Variants in LAMTOR5 observed in about 807,000 individuals in gnomAD.
LAMTOR5 encodes ragulator complex protein LAMTOR5.
Under a neutral mutation model 12.1 loss-of-function variants are expected in LAMTOR5, and 8 were observed. That is an observed-to-expected ratio of 0.66 (90% CI 0.39 to 1.19). The LOEUF (loss-of-function observed/expected upper bound fraction) is 1.19. Ranked by LOEUF, LAMTOR5 falls within the 50% of genes most tolerant of loss-of-function variation. LAMTOR5 has a pLI of 0.01. For synonymous variants in LAMTOR5, 37 were observed against 41.9 expected (o/e 0.88, Z 0.45); for missense variants, 110 against 112.8 (o/e 0.97, Z 0.11).
chr1:110,403,856 C>T, intron 3 of LAMTOR5, 63 bp downstream of exon 3: 3 of 1,597,862 alleles, frequency 1.9e-6, no homozygotes, highest in Non-Finnish European at 2.6e-6. Flanking sequence ...AGGGCCGGCC[C>T]CCGCCAATTT....
intron 2 of LAMTOR5, among the ~76,000 whole-genome samples, chr1:110,406,052 C>T (rs1212885563): frequency 6.6e-6 from 1 of 152,194 alleles, no homozygotes; most frequent in Admixed American, 6.5e-5. Flanking sequence ...CCTTTCTAGA[C>T]TCAATTTAAA....
intron 1 of LAMTOR5, chr1:110,407,254 C>G: frequency 1.7e-6 from 1 of 579,244 alleles, no homozygotes; most frequent in Non-Finnish European, 3.1e-6. Context: ...CTGGCACAAT[C>G]TTCCCAAAAG....
At chr1:110,403,773 T>TA in intron 3 of LAMTOR5, 146 bp downstream of exon 3, 8 of 1,280,442 alleles carry the variant, frequency 6.2e-6, no homozygotes, top group Non-Finnish European at 8.3e-6. Context: ...GGGATCAACT[T>TA]GTCTGTTCCT....
At chr1:110,403,785 T>C in intron 3 of LAMTOR5, 134 bp downstream of exon 3, 1 of 1,382,346 alleles carries the variant, frequency 7.2e-7, no homozygotes, top group Non-Finnish European at 9.6e-7. Flanking sequence ...TCTGTTCCTG[T>C]GATTCAAAAG....
rs1452185411 is a variant in LAMTOR5 at position 110,401,657 on chromosome 1, G to A, written c.216-74C>T. ...CACTGCAAGATTAAAGATGTTGTTT[G>A]CTTTAGGATACAATATTTAAAATAA... On this transcript the variant is annotated intron_variant, in intron 3 of 3. Transcript: ENST00000602318. 15 of 1,448,030 alleles carry A rather than the reference G, an allele frequency of 1.0e-5. No homozygotes were observed. The South Asian group carries it at 1.7e-4, about 17-fold the overall frequency. The allele number at this position is 1,448,030 out of a possible 1,614,324, so 89.7% of individuals were successfully genotyped here.
chr1:110,407,416 C>A, intron 1 of LAMTOR5, 170 bp downstream of exon 1: 1 of 841,880 alleles, frequency 1.2e-6, no homozygotes. Context: ...TCCGGGTCAC[C>A]CGCCCCGCCC....
intron 1 of LAMTOR5, chr1:110,407,232 GAC>G (rs1281112488): frequency 1.6e-5 from 9 of 577,770 alleles, no homozygotes; most frequent in Middle Eastern, 4.3e-4. Flanking sequence ...TGCAGGGCTC[GAC>G]ACTGCACAAC....
chr1:110,407,285 T>G (rs1472727782), intron 1 of LAMTOR5: 12 of 578,450 alleles, frequency 2.1e-5, no homozygotes, highest in East Asian at 1.7e-4. Flanking sequence ...TTCTAAAACT[T>G]CCGCAGAACC....
intron 2 of LAMTOR5, among the ~76,000 whole-genome samples, chr1:110,405,833 G>A (rs556199865): frequency 6.6e-6 from 1 of 151,068 alleles, no homozygotes; most frequent in South Asian, 2.1e-4. Context: ...ACAAATGAAA[G>A]AGCAAGGGAT....
intron 2 of LAMTOR5, among the ~76,000 whole-genome samples, chr1:110,404,648 C>T (rs1663291797): frequency 6.6e-6 from 1 of 152,164 alleles, no homozygotes; most frequent in Admixed American, 6.5e-5. Context: ...GAATGCTTTA[C>T]TTATTTACCT....
chr1:110,404,763 A>AT (rs776024790), intron 2 of LAMTOR5, among the ~76,000 whole-genome samples: 1 of 152,208 alleles, frequency 6.6e-6, no homozygotes, highest in East Asian at 1.9e-4. Flanking sequence ...AAATATCGTG[A>AT]TTAGGCCGGG....
intron 1 of LAMTOR5, chr1:110,407,208 G>C: frequency 1.7e-6 from 1 of 576,142 alleles, no homozygotes; most frequent in Non-Finnish European, 3.1e-6. Context: ...CAGGAGATAC[G>C]TGTTTGTTTA....
At position 110,403,953 on chromosome 1, in the gene LAMTOR5, C is replaced by T; in HGVS notation, c.181G>A (p.Asp61Asn). The stretch of plus-strand genomic sequence containing the variant: ...GATTCTAGACACACCACAGGAATAT[C>T]AGTGGGGTCAGAGGTTAGCTTAGCT... Reference protein sequence around the residue: ...QAAKLTSDPTDIPVVCLESDN... With the variant: ...QAAKLTSDPTNIPVVCLESDN... Residue 61 changes from aspartate (D) to asparagine (N), a missense_variant, in exon 3 of 4, where the codon GAT becomes AAT. Physicochemically the swap from Asp to Asn is conservative, Grantham distance 23 (BLOSUM62 1). Coordinates refer to ENST00000602318, the MANE Select transcript of LAMTOR5 (RefSeq NM_001382293.1). 6.2e-7 allele frequency: 1 copy of T among 1,614,178 alleles called. No homozygotes were observed. The highest frequency in any genetic ancestry group is 8.5e-7 in the Non-Finnish European group (1 of 1,180,022).
rs538514364 is a variant in LAMTOR5, at chr1:110,402,838, T to C, written c.215+1081A>G. On this transcript the variant is annotated intron_variant, in intron 3 of 3. Transcript: ENST00000602318. ...GTAAAAAAGTTTAAAAAAAGAATTT[T>C]TGTACAGCTGTACAACTGTTTTAAG... Among the ~76,000 whole-genome samples the C allele has an allele frequency of 9.8e-5, 15 of 152,372 alleles. No individual in the cohort carries two copies. In the South Asian group the frequency reaches 2.5e-3, roughly 25 times the overall value.
intron 2 of LAMTOR5, among the ~76,000 whole-genome samples, chr1:110,404,845 C>T (rs1051784890): frequency 2.6e-5 from 4 of 151,908 alleles, no homozygotes; most frequent in Admixed American, 6.6e-5. Flanking sequence ...ATAAGGAGTT[C>T]GAGACCAGCC....
Position 110,407,579 on chromosome 1 carries a change from T to C in LAMTOR5, c.35+7A>G. The C allele has an allele frequency of 6.2e-7, 1 of 1,613,388 alleles. No individual in the cohort carries two copies. The highest frequency in any genetic ancestry group is 8.5e-7 in the Non-Finnish European group (1 of 1,179,494). ...CAGGACAGGCCGAAGAGGCGCGCAC[T>C]ACTCACGTGTCTTCCAAGTGCTGCT... On this transcript the variant is annotated splice_region_variant and intron_variant, in intron 1 of 3. Transcript: ENST00000602318.
chr1:110,405,046 TC>T (rs1294233670), intron 2 of LAMTOR5, among the ~76,000 whole-genome samples: 5 of 102,578 alleles, frequency 4.9e-5, no homozygotes, highest in Non-Finnish European at 5.7e-5. Flanking sequence ...AGATTTCGTC[TC>T]AAAAAAAAAA....
chr1:110,407,677 C>T lies in LAMTOR5; in HGVS notation c.-57G>A, dbSNP rs1285467973. 2 of 1,614,222 alleles carry T rather than the reference C, an allele frequency of 1.2e-6. No homozygotes were observed. The highest frequency in any genetic ancestry group is 1.7e-6 in the Non-Finnish European group (2 of 1,180,048). ...AGCGGCACGGCACGTCCTTCTCCAC[C>T]ACAGGCCTCAGTCACTTGACGCGAG... On this transcript the variant is annotated 5_prime_UTR_variant, in exon 1 of 4. Coordinates refer to ENST00000602318, the MANE Select transcript of LAMTOR5 (RefSeq NM_001382293.1).
rs962537320 is a variant in LAMTOR5 at position 110,406,730 on chromosome 1, A to C, written c.36-351T>G. ...TCCCAGCTACTCGGGAGGCTGAGGC[A>C]AGAGAATCGCTTGAACCTGGGAGGC... On this transcript the variant is annotated intron_variant, in intron 1 of 3. Coordinates refer to ENST00000602318, the MANE Select transcript of LAMTOR5 (RefSeq NM_001382293.1). 1.2e-4 allele frequency: 35 copies of C among 303,474 alleles called. No individual in the cohort carries two copies. In the East Asian group the frequency reaches 2.2e-3, roughly 19 times the overall value. 18.8% of individuals were successfully genotyped at this position (303,474 alleles called of 1,614,324 possible). A position where few individuals can be genotyped will look rare whatever the true frequency, so the allele number is the denominator to read the frequency against.
Sources: gnomAD v4.1 joint callset for allele counts (sites outside exome capture counted in the v4.1 genomes callset) on GRCh38, gnomAD v4.1.1 for gene constraint, MANE v1.5 for transcripts, NCBI Gene and HGNC (gene_info 2026-07-23, HGNC 2026-07-21) for gene names.